The following AGBL4 variants were observed in gnomAD, a reference collection of about 807,000 sequenced individuals.
AGBL4 encodes the protein cytosolic carboxypeptidase 6.
In AGBL4, 58 loss-of-function variants were observed where a neutral mutation model predicts 66.4. The ratio of observed to expected loss-of-function variants is 0.87; its 90% CI spans 0.71 to 1.09. The LOEUF is 1.09. Ranked by LOEUF, AGBL4 falls within the 50% of genes least tolerant of loss-of-function variation. The pLI is 0.00. For missense variants in AGBL4, 579 were observed against 631.0 expected (o/e 0.92, Z 0.88); for synonymous variants, 234 against 222.9 (o/e 1.05, Z -0.44).
intron 4 of AGBL4, among the ~76,000 whole-genome samples, chr1:49,104,936 T>TA (rs1645266047): frequency 6.6e-6 from 1 of 152,192 alleles, no homozygotes; most frequent in African/African-American, 2.4e-5. Flanking sequence ...AGCTGGGAGA[T>TA]ATCACATTTC....
At chr1:49,258,561 G>T (rs1278943233) in intron 3 of AGBL4, among the ~76,000 whole-genome samples, 1 of 151,928 alleles carries the variant, frequency 6.6e-6, no homozygotes, top group Non-Finnish European at 1.5e-5. Context: ...TATCAGTGAT[G>T]GAAGATGAAA....
chr1:49,865,761 A>G (rs1646684371), intron 1 of AGBL4, among the ~76,000 whole-genome samples: 1 of 152,212 alleles, frequency 6.6e-6, no homozygotes, highest in Admixed American at 6.5e-5. Flanking sequence ...GCTGAGATGG[A>G]TGAACTGACA....
intron 6 of AGBL4, among the ~76,000 whole-genome samples, chr1:48,666,360 C>A (rs369648263): frequency 1.3e-5 from 2 of 151,880 alleles, no homozygotes; most frequent in Non-Finnish European, 2.9e-5. Context: ...AACAATGAGA[C>A]CAAGAACAAC....
At chr1:49,197,985 G>C (rs1426450143) in intron 4 of AGBL4, among the ~76,000 whole-genome samples, 2 of 152,142 alleles carry the variant, frequency 1.3e-5, no homozygotes, top group Admixed American at 1.3e-4. Flanking sequence ...AGCTGAGATT[G>C]AGAATGGTGT....
rs146718361 is a variant in AGBL4 at position 48,754,981 on chromosome 1, T to C, written c.635-91740A>G. On this transcript the variant is annotated intron_variant, in intron 6 of 13. Transcript: ENST00000371839. ...AAAATGACGGTGACAGTCTATAGCCTAAGTTCTTTCACAACTCCATGCCTC... is the reference window on the plus strand; with the variant it reads ...AAAATGACGGTGACAGTCTATAGCCCAAGTTCTTTCACAACTCCATGCCTC... Among the ~76,000 whole-genome samples, 157 of 152,314 alleles carry C rather than the reference T, an allele frequency of 1.0e-3. 2 individuals are homozygous for C. The South Asian group carries it at 0.026, about 25-fold the overall frequency.
chr1:49,694,783 A>C (rs185943399), intron 3 of AGBL4, among the ~76,000 whole-genome samples: 1 of 152,158 alleles, frequency 6.6e-6, no homozygotes, highest in African/African-American at 2.4e-5. Context: ...ACAAACTAGA[A>C]GAGCAAAGAA....
At chr1:48,765,429 G>C (rs1442772123) in intron 6 of AGBL4, among the ~76,000 whole-genome samples, 1 of 152,288 alleles carries the variant, frequency 6.6e-6, no homozygotes, top group South Asian at 2.1e-4. Flanking sequence ...CAAGAGTAAA[G>C]AATGTAAAGA....
chr1:49,954,814 G>C (rs1656458050), intron 1 of AGBL4, among the ~76,000 whole-genome samples: 1 of 151,792 alleles, frequency 6.6e-6, no homozygotes. Flanking sequence ...TTTCAAGGGA[G>C]GTTACAAATG....
chr1:49,979,470 A>G (rs1212022555), intron 1 of AGBL4, among the ~76,000 whole-genome samples: 1 of 151,876 alleles, frequency 6.6e-6, no homozygotes, highest in Non-Finnish European at 1.5e-5. Flanking sequence ...TCCGCCTCAA[A>G]AAAAAAAAAA....
At chr1:49,319,684 T>C (rs1479048358) in intron 3 of AGBL4, among the ~76,000 whole-genome samples, 1 of 152,144 alleles carries the variant, frequency 6.6e-6, no homozygotes, top group African/African-American at 2.4e-5. Flanking sequence ...TAAATATACC[T>C]GAGACTGAGT....
chr1:49,589,117 C>G (rs1644706574), intron 3 of AGBL4, among the ~76,000 whole-genome samples: 1 of 152,062 alleles, frequency 6.6e-6, no homozygotes, highest in South Asian at 2.1e-4. Flanking sequence ...GTTTAGATCT[C>G]AAACCTCAAA....
At chr1:48,601,872 T>A (rs1645078477) in intron 9 of AGBL4, among the ~76,000 whole-genome samples, 2 of 151,832 alleles carry the variant, frequency 1.3e-5, no homozygotes. Context: ...CAGATACAAG[T>A]AGAAAAGCCA....
intron 6 of AGBL4, chr1:48,776,537 G>GC: frequency 8.6e-7 from 1 of 1,164,004 alleles, no homozygotes. Flanking sequence ...CTCCGCCCGG[G>GC]CCCCCGGCCC....
intron 9 of AGBL4, among the ~76,000 whole-genome samples, chr1:48,632,601 T>C (rs1416246339): frequency 1.3e-5 from 2 of 152,230 alleles, no homozygotes; most frequent in African/African-American, 4.8e-5. Context: ...GTTTGTTTGG[T>C]TTGTTTTTTA....
intron 3 of AGBL4, among the ~76,000 whole-genome samples, chr1:49,288,868 T>C (rs1644479690): frequency 6.6e-6 from 1 of 152,206 alleles, no homozygotes. Flanking sequence ...TCTCAAATGC[T>C]GTCTGCCTGG....
chr1:49,814,010 T>G (rs1357162225), intron 2 of AGBL4, among the ~76,000 whole-genome samples: 1 of 152,130 alleles, frequency 6.6e-6, no homozygotes, highest in Non-Finnish European at 1.5e-5. Context: ...GCACATGCTT[T>G]CTTGCCTGCT....
chr1:48,789,810 C>T (rs1281708607), intron 6 of AGBL4, among the ~76,000 whole-genome samples: 4 of 152,300 alleles, frequency 2.6e-5, no homozygotes, highest in East Asian at 3.9e-4. Flanking sequence ...GACACAGACT[C>T]TTGGCGAGAG....
At chr1:49,088,189 T>C (rs575675167) in intron 4 of AGBL4, among the ~76,000 whole-genome samples, 1 of 152,142 alleles carries the variant, frequency 6.6e-6, no homozygotes, top group Non-Finnish European at 1.5e-5. Context: ...GTATTCACAA[T>C]AACTAGCTAA....
At chr1:48,768,581 A>T (rs1305347922) in intron 6 of AGBL4, among the ~76,000 whole-genome samples, 1 of 152,196 alleles carries the variant, frequency 6.6e-6, no homozygotes, top group Non-Finnish European at 1.5e-5. Flanking sequence ...TGTATTCAAA[A>T]GTGAATTTAC....
Sources: allele counts gnomAD v4.1 joint callset (sites outside exome capture counted in the v4.1 genomes callset), GRCh38; gene constraint gnomAD v4.1.1; transcripts MANE v1.5; gene names NCBI Gene and HGNC (gene_info 2026-07-23, HGNC 2026-07-21).